The following CTDSPL2 variants were observed in gnomAD, a reference collection of about 807,000 sequenced individuals.
CTDSPL2 encodes the protein CTD small phosphatase like 2, also known as CTD small phosphatase-like protein 2.
In CTDSPL2, 5 loss-of-function variants were observed where a neutral mutation model predicts 60.0. The ratio of observed to expected loss-of-function variants is 0.08; its 90% CI spans 0.04 to 0.18. The LOEUF (loss-of-function observed/expected upper bound fraction) is 0.18. CTDSPL2 is among the 10% of genes least tolerant of loss of function. The pLI, the probability that CTDSPL2 is intolerant of heterozygous loss-of-function variation, is 1.00. For missense variants in CTDSPL2, 370 were observed against 548.8 expected (o/e 0.67, Z 3.26); for synonymous variants, 186 against 189.3 (o/e 0.98, Z 0.14).
chr15:44,466,636 C>G (rs1348484196), intron 2 of CTDSPL2, among the ~76,000 whole-genome samples: 1 of 152,106 alleles, frequency 6.6e-6, no homozygotes, highest in Non-Finnish European at 1.5e-5. Context: ...AGGCTACAAA[C>G]CTGTACAGAA....
At chr15:44,511,534 A>C (rs967161993) in intron 8 of CTDSPL2, among the ~76,000 whole-genome samples, 3 of 152,208 alleles carry the variant, frequency 2.0e-5, no homozygotes, top group African/African-American at 7.2e-5. Context: ...TGCAGGTTGA[A>C]TATCCCTAAT....
intron 2 of CTDSPL2, among the ~76,000 whole-genome samples, chr15:44,475,364 C>T (rs888876578): frequency 3.3e-5 from 5 of 152,072 alleles, no homozygotes; most frequent in Non-Finnish European, 7.4e-5. Flanking sequence ...TCAGGCCGGG[C>T]GTGGTGGCTC....
At chr15:44,499,411 TA>T (rs564209908) in intron 7 of CTDSPL2, among the ~76,000 whole-genome samples, 1 of 151,716 alleles carries the variant, frequency 6.6e-6, no homozygotes, top group Non-Finnish European at 1.5e-5. Context: ...AAAATAAAAA[TA>T]AAAAAAACAC....
intron 8 of CTDSPL2, among the ~76,000 whole-genome samples, chr15:44,504,751 T>A (rs887956680): frequency 1.3e-5 from 2 of 151,686 alleles, no homozygotes; most frequent in Non-Finnish European, 2.9e-5. Context: ...GCACCTATAG[T>A]CCCAGCTACT....
intron 8 of CTDSPL2, among the ~76,000 whole-genome samples, chr15:44,512,155 C>A (rs1481845316): frequency 2.0e-5 from 3 of 151,644 alleles, no homozygotes; most frequent in African/African-American, 7.3e-5. Flanking sequence ...ATGTTTGCAC[C>A]ACTGCACTCC....
chr15:44,524,349 G>C lies in CTDSPL2; in HGVS notation c.*175G>C. 1 of 602,490 alleles carries C rather than the reference G, an allele frequency of 1.7e-6. No individual in the cohort carries two copies. Among genetic ancestry groups the C allele is most frequent in the South Asian group, 2.0e-5 (1 of 50,000 alleles). 37.3% of individuals were successfully genotyped at this position (602,490 alleles called of 1,614,324 possible). ...ACAGAAAGAGACTTTATCTATCTCA[G>C]ATCGAATACATATAGTAGGTAGGCT... On this transcript the variant is annotated 3_prime_UTR_variant, in exon 13 of 13. Transcript: ENST00000260327.
At chr15:44,475,554 G>A (rs1442034470) in intron 2 of CTDSPL2, among the ~76,000 whole-genome samples, 1 of 151,480 alleles carries the variant, frequency 6.6e-6, no homozygotes, top group South Asian at 2.1e-4. Context: ...CAGGAGAATC[G>A]CTTGAACGTG....
chr15:44,499,399 AAAAAAT>A (rs1339029675), intron 7 of CTDSPL2, among the ~76,000 whole-genome samples: 2 of 152,124 alleles, frequency 1.3e-5, no homozygotes, highest in East Asian at 3.8e-4. Flanking sequence ...ACTCTGTCTC[AAAAAAT>A]AAAAATAAAA....
At chr15:44,508,285 T>C (rs369409583) in intron 8 of CTDSPL2, among the ~76,000 whole-genome samples, 6 of 151,984 alleles carry the variant, frequency 3.9e-5, no homozygotes, top group African/African-American at 1.5e-4. Context: ...GGTTTCGCCA[T>C]GTTGCCCAGG....
intron 5 of CTDSPL2, among the ~76,000 whole-genome samples, chr15:44,493,825 T>C (rs2081254913): frequency 6.6e-6 from 1 of 152,098 alleles, no homozygotes; most frequent in South Asian, 2.1e-4. Context: ...ATAAAAATAT[T>C]CTTTCATCTG....
intron 5 of CTDSPL2, 21 bp downstream of exon 5, chr15:44,491,020 T>C (rs771475034): frequency 8.7e-5 from 136 of 1,565,336 alleles, no homozygotes; most frequent in Non-Finnish European, 4.8e-5. Flanking sequence ...TTTCTTTTCT[T>C]ATACATCTTC....
chr15:44,486,421 C>T, intron 3 of CTDSPL2, 130 bp from the exon 4 acceptor site: 1 of 619,574 alleles, frequency 1.6e-6, no homozygotes, highest in Non-Finnish European at 2.6e-6. Context: ...CTTTCCTGAA[C>T]ATTAACATTA....
intron 8 of CTDSPL2, among the ~76,000 whole-genome samples, chr15:44,502,518 G>A (rs1345955870): frequency 6.6e-6 from 1 of 152,062 alleles, no homozygotes; most frequent in African/African-American, 2.4e-5. Flanking sequence ...TAGGTTTTGT[G>A]GTCCCTGTCA....
intron 8 of CTDSPL2, 38 bp from the exon 9 acceptor site, chr15:44,514,560 A>T (rs1246017595): frequency 8.3e-7 from 1 of 1,209,894 alleles, no homozygotes; most frequent in African/African-American, 1.5e-5. Context: ...TTCCCATTGT[A>T]TGTTTATTTG....
intron 1 of CTDSPL2, among the ~76,000 whole-genome samples, chr15:44,452,493 C>T (rs1034856014): frequency 1.3e-5 from 2 of 152,020 alleles, no homozygotes; most frequent in Non-Finnish European, 2.9e-5. Context: ...GTGAATAAGG[C>T]TGTCAGGAAT....
intron 2 of CTDSPL2, among the ~76,000 whole-genome samples, chr15:44,476,600 C>CT (rs2080921658): frequency 1.3e-5 from 2 of 152,114 alleles, no homozygotes; most frequent in South Asian, 4.2e-4. Flanking sequence ...TTTTACTGTA[C>CT]TTTTTTCTGT....
intron 1 of CTDSPL2, among the ~76,000 whole-genome samples, chr15:44,438,219 G>C (rs1455191161): frequency 6.6e-6 from 1 of 151,098 alleles, no homozygotes; most frequent in African/African-American, 2.4e-5. Flanking sequence ...AGCTGAGATC[G>C]CGCCACTGCG....
At chr15:44,473,990 G>A (rs2080861908) in intron 2 of CTDSPL2, among the ~76,000 whole-genome samples, 1 of 152,034 alleles carries the variant, frequency 6.6e-6, no homozygotes, top group Non-Finnish European at 1.5e-5. Context: ...CACCACACCG[G>A]GCTAATTTTT....
intron 2 of CTDSPL2, among the ~76,000 whole-genome samples, chr15:44,459,507 G>A (rs779295200): frequency 2.0e-5 from 3 of 152,098 alleles, no homozygotes; most frequent in Non-Finnish European, 1.5e-5. Flanking sequence ...CAACCTGGGC[G>A]ACAGCGGGAC....
Sources: allele counts gnomAD v4.1 joint callset (sites outside exome capture counted in the v4.1 genomes callset), GRCh38; gene constraint gnomAD v4.1.1; transcripts MANE v1.5; gene names NCBI Gene and HGNC (gene_info 2026-07-23, HGNC 2026-07-21).